The following ADGB variants were observed in gnomAD, a reference collection of about 807,000 sequenced individuals.
ADGB encodes androglobin.
In ADGB, 172 loss-of-function variants were observed where a neutral mutation model predicts 210.5. The observed-to-expected ratio is 0.82, with a 90% CI of 0.72 to 0.93. The LOEUF (loss-of-function observed/expected upper bound fraction) is 0.93, where lower values mean the gene tolerates loss of function less well. Ranked by LOEUF, ADGB falls within the 40% of genes least tolerant of loss-of-function variation. The probability of loss-of-function intolerance (pLI) is 0.00; values close to 1 mark genes in which losing one functional copy is unlikely to be tolerated. For missense variants in ADGB, 2,025 were observed against 1,964.8 expected (o/e 1.03, Z -0.58); for synonymous variants, 658 against 662.7 (o/e 0.99, Z 0.11).
At chr6:146,702,338 G>A (rs953815082) in intron 13 of ADGB, among the ~76,000 whole-genome samples, 1 of 151,764 alleles carries the variant, frequency 6.6e-6, no homozygotes, top group Non-Finnish European at 1.5e-5. Context: ...GTATAAAATG[G>A]TATTTTATTT....
Position 146,812,987 on chromosome 6 carries a change from G to T in ADGB, c.4819-2045G>T, listed in dbSNP as rs182971510. ...CTCCAGGCTTATCTTTCCCTTTGGC[G>T]TAATGAGTTTGGGGGATCTGAGATT... On this transcript the variant is annotated intron_variant, in intron 35 of 35. Transcript: ENST00000397944. Among the ~76,000 whole-genome samples, 5 of 152,278 alleles carry T rather than the reference G, an allele frequency of 3.3e-5. No homozygotes were observed. In the East Asian group the frequency reaches 9.6e-4, roughly 29 times the overall value.
chr6:146,806,275 AT>A (rs1353881659), intron 35 of ADGB, among the ~76,000 whole-genome samples: 1 of 152,242 alleles, frequency 6.6e-6, no homozygotes, highest in African/African-American at 2.4e-5. Flanking sequence ...GATTGAAGCC[AT>A]TTTAAGAGAA....
chr6:146,689,034 T>G (rs938138172), intron 10 of ADGB, among the ~76,000 whole-genome samples: 3 of 152,142 alleles, frequency 2.0e-5, no homozygotes, highest in Non-Finnish European at 2.9e-5. Flanking sequence ...ATTCTAATGG[T>G]TTTAGTTTTA....
At chr6:146,612,828 C>G (rs1011082141) in intron 1 of ADGB, among the ~76,000 whole-genome samples, 3 of 152,150 alleles carry the variant, frequency 2.0e-5, no homozygotes, top group Admixed American at 1.3e-4. Context: ...CTGCAACCAG[C>G]TTCAGCCCCT....
At chr6:146,761,378 T>G (rs947091098) in intron 27 of ADGB, among the ~76,000 whole-genome samples, 1 of 152,028 alleles carries the variant, frequency 6.6e-6, no homozygotes, top group Non-Finnish European at 1.5e-5. Context: ...CCTTGACATT[T>G]TAGTCAAAAG....
chr6:146,745,891 T>G, intron 25 of ADGB, 31 bp from the exon 26 acceptor site: 2 of 1,497,602 alleles, frequency 1.3e-6, no homozygotes, highest in Non-Finnish European at 1.8e-6. Flanking sequence ...AACGACATAA[T>G]TCATTTCTGT....
At chr6:146,762,588 T>C (rs1777508327) in intron 27 of ADGB, among the ~76,000 whole-genome samples, 1 of 152,168 alleles carries the variant, frequency 6.6e-6, no homozygotes, top group African/African-American at 2.4e-5. Flanking sequence ...GTGTGCTGTA[T>C]ATTGTGCGTG....
At position 146,667,210 on chromosome 6, in the gene ADGB, C is replaced by A. The variant is rs372914484; in HGVS notation, c.839+308C>A. 4.7e-4 allele frequency among the ~76,000 whole-genome samples: 71 copies of A among 151,906 alleles called. No homozygotes were observed. The South Asian group carries it at 0.014, about 30-fold the overall frequency. On this transcript the variant is annotated intron_variant, in intron 7 of 35. Transcript: ENST00000397944. ...GTGGATTTCCATGGGAAATCTACAA[C>A]AAAGAACAGTCAATTTTTACAGAAG...
At chr6:146,668,750 G>A (rs1012725685) in intron 7 of ADGB, among the ~76,000 whole-genome samples, 4 of 152,054 alleles carry the variant, frequency 2.6e-5, no homozygotes, top group Admixed American at 6.6e-5. Flanking sequence ...AACAAGAGAC[G>A]AGAATAATTC....
intron 2 of ADGB, among the ~76,000 whole-genome samples, chr6:146,639,486 A>C (rs971768022): frequency 1.3e-5 from 2 of 151,970 alleles, no homozygotes; most frequent in South Asian, 4.1e-4. Context: ...GCTTTCTCTC[A>C]CCACTCCTAT....
chr6:146,770,273 T>C (rs968905090), intron 29 of ADGB, among the ~76,000 whole-genome samples: 1 of 152,216 alleles, frequency 6.6e-6, no homozygotes, highest in African/African-American at 2.4e-5. Context: ...AAGGTTTGTG[T>C]GTACAGAAGT....
rs536706312 is a variant in ADGB, at chr6:146,788,536, C to G, written c.4463C>G (p.Thr1488Arg). 1.3e-6 allele frequency: 2 copies of G among 1,551,458 alleles called. No homozygotes were observed. The change falls in exon 33 of 36, where the codon ACG becomes AGG. Residue 1488 changes from threonine (T) to arginine (R), a missense_variant. By Grantham distance (71) the Thr-to-Arg change is moderately conservative. Coordinates refer to ENST00000397944, the MANE Select transcript of ADGB (RefSeq NM_024694.4). ...TKGLRDVAKS[T>R]SSESGGVSSP... ...GGCTTGAGGGATGTGGCAAAATCCACGAGTAGCGAAAGTGGAGGAGTGTCT... is the reference window on the plus strand; with the variant it reads ...GGCTTGAGGGATGTGGCAAAATCCAGGAGTAGCGAAAGTGGAGGAGTGTCT...
chr6:146,811,246 T>C (rs2114676367), intron 35 of ADGB, among the ~76,000 whole-genome samples: 1 of 152,306 alleles, frequency 6.6e-6, no homozygotes, highest in East Asian at 1.9e-4. Context: ...TGGTTTGTTT[T>C]ACAAAATGGC....
In ADGB at chr6:146,721,399, G is replaced by A. The variant is rs1012872931; in HGVS notation, c.1993-4G>A. 4.6e-6 allele frequency: 7 copies of A among 1,513,676 alleles called. No homozygotes were observed. The African/African-American group carries it at 8.3e-5, about 18-fold the overall frequency. 93.8% of individuals were successfully genotyped at this position (1,513,676 alleles called of 1,614,324 possible). A position where few individuals can be genotyped will look rare whatever the true frequency, so the allele number is the denominator to read the frequency against. On this transcript the variant is annotated splice_region_variant and splice_polypyrimidine_tract_variant and intron_variant, in intron 16 of 35. Transcript: ENST00000397944. ...AGTATGACAACTGGTCTAATTTCTTGCAGTTCTCAGAAGAACGAGTGTCCT... is the reference window on the plus strand; with the variant it reads ...AGTATGACAACTGGTCTAATTTCTTACAGTTCTCAGAAGAACGAGTGTCCT...
At chr6:146,635,848 G>T (rs1775411652) in intron 2 of ADGB, among the ~76,000 whole-genome samples, 1 of 152,016 alleles carries the variant, frequency 6.6e-6, no homozygotes, top group Non-Finnish European at 1.5e-5. Flanking sequence ...TTTGGAAACA[G>T]GCATTTATAA....
At chr6:146,744,357 T>C (rs751617626) in intron 25 of ADGB, among the ~76,000 whole-genome samples, 7 of 152,190 alleles carry the variant, frequency 4.6e-5, no homozygotes, top group Non-Finnish European at 7.3e-5. Context: ...TCCTGACCCA[T>C]ACGAAATTCA....
chr6:146,659,718 G>A (rs1775829781), intron 5 of ADGB, among the ~76,000 whole-genome samples: 2 of 152,172 alleles, frequency 1.3e-5, no homozygotes, highest in South Asian at 4.1e-4. Context: ...TTGTGACACA[G>A]AGCAGCTCTC....
intron 12 of ADGB, among the ~76,000 whole-genome samples, chr6:146,694,015 G>C (rs750818915): frequency 6.6e-6 from 1 of 152,066 alleles, no homozygotes; most frequent in Non-Finnish European, 1.5e-5. Flanking sequence ...TTTCTCTATA[G>C]CTCTCTTCTT....
intron 2 of ADGB, among the ~76,000 whole-genome samples, chr6:146,644,262 A>G (rs916445771): frequency 1.3e-5 from 2 of 151,950 alleles, no homozygotes; most frequent in South Asian, 2.1e-4. Context: ...TGAATCTATA[A>G]TTATCTTAAA....
Sources: gnomAD v4.1 joint callset for allele counts (sites outside exome capture counted in the v4.1 genomes callset) on GRCh38, gnomAD v4.1.1 for gene constraint, MANE v1.5 for transcripts, NCBI Gene and HGNC (gene_info 2026-07-23, HGNC 2026-07-21) for gene names.